FGD4: variants seen among roughly 807,000 people sequenced by gnomAD.
The protein encoded by FGD4 is FYVE, RhoGEF and PH domain containing 4, also known as FYVE, RhoGEF and PH domain-containing protein 4.
FGD4 carries 42 observed loss-of-function variants against 102.0 expected under a neutral mutation model. That is an observed-to-expected ratio of 0.41 (90% CI 0.32 to 0.53). The LOEUF (loss-of-function observed/expected upper bound fraction) is 0.53, where lower values mean the gene tolerates loss of function less well. Ranked by LOEUF, FGD4 falls within the 20% of genes least tolerant of loss-of-function variation. The pLI is 0.21. For missense variants in FGD4, 902 were observed against 1,078.2 expected (o/e 0.84, Z 2.29); for synonymous variants, 380 against 375.7 (o/e 1.01, Z -0.13).
At chr12:32,456,045 C>CA (rs1942940964) in intron 1 of FGD4, among the ~76,000 whole-genome samples, 2 of 152,140 alleles carry the variant, frequency 1.3e-5, no homozygotes, top group African/African-American at 4.8e-5. Flanking sequence ...TTGTGTAAAA[C>CA]CCTGCAAGCA....
At chr12:32,517,948 C>T (rs1021739171) in intron 1 of FGD4, among the ~76,000 whole-genome samples, 4 of 124,022 alleles carry the variant, frequency 3.2e-5, no homozygotes, top group African/African-American at 6.0e-5. Context: ...TCCCACCCAA[C>T]CCCCAATATC....
At chr12:32,551,230 TAGA>T (rs1943646455) in intron 1 of FGD4, among the ~76,000 whole-genome samples, 1 of 152,106 alleles carries the variant, frequency 6.6e-6, no homozygotes. Flanking sequence ...AGGGCAGACC[TAGA>T]AGGAGACAGC....
chr12:32,578,754 C>G (rs1363489727), intron 3 of FGD4, among the ~76,000 whole-genome samples: 1 of 151,814 alleles, frequency 6.6e-6, no homozygotes, highest in African/African-American at 2.4e-5. Flanking sequence ...TGCTTGAGCC[C>G]CAGGAGGTCA....
chr12:32,446,892 G>C (rs1942631506), intron 1 of FGD4, among the ~76,000 whole-genome samples: 1 of 152,184 alleles, frequency 6.6e-6, no homozygotes, highest in Non-Finnish European at 1.5e-5. Context: ...GTAGGATTTA[G>C]CAGTGGTGCA....
intron 11 of FGD4, 39 bp from the exon 12 acceptor site, chr12:32,624,383 A>C (rs1266013467): frequency 6.8e-7 from 1 of 1,462,740 alleles, no homozygotes; most frequent in Non-Finnish European, 9.5e-7. Context: ...GTGAATCATT[A>C]ATATTATTTA....
chr12:32,610,806 G>C lies in FGD4; in HGVS notation c.1574G>C (p.Ser525Thr). The C allele has an allele frequency of 1.2e-6, 2 of 1,613,582 alleles. No individual in the cohort carries two copies. Among genetic ancestry groups the C allele is most frequent in the Non-Finnish European group, 1.7e-6 (2 of 1,179,836 alleles). ...KSLEIISTAASHSNSAIRKME... is the reference protein window; with the variant it reads ...KSLEIISTAATHSNSAIRKME... ...CTTGAAATTATATCTACAGCAGCAAGCCATTCTAATAGTGCAATAAGGAAA... is the reference window on the plus strand; with the variant it reads ...CTTGAAATTATATCTACAGCAGCAACCCATTCTAATAGTGCAATAAGGAAA... The change falls in exon 9 of 17, where the codon AGC becomes ACC. Residue 525 changes from serine (S) to threonine (T), a missense_variant. Around this residue, in one of 2 missense-constraint regions of FGD4, gnomAD observed 459 missense variants for 619.0 expected, o/e 0.74. Coordinates refer to ENST00000534526, the MANE Select transcript of FGD4 (RefSeq NM_001370298.3).
chr12:32,536,139 G>A (rs562898319), intron 1 of FGD4, among the ~76,000 whole-genome samples: 14 of 151,752 alleles, frequency 9.2e-5, no homozygotes, highest in African/African-American at 3.4e-4. Context: ...ACGCTTTCAG[G>A]CAAACTCCTT....
rs12307888 is a variant in FGD4 at position 32,511,504 on chromosome 12, G to A, written c.167-52633G>A. Among the ~76,000 whole-genome samples the A allele has an allele frequency of 5.9e-4, 89 of 152,036 alleles. 1 individual carries two copies. The highest frequency in any genetic ancestry group is 1.5e-3 in the African/African-American group (62 of 41,476). On this transcript the variant is annotated intron_variant, in intron 1 of 16. Transcript: ENST00000534526. ...TTTTTAGTAGAGACGGGGTTTCACC[G>A]TGTTAGCCAGGATGGTCTTGATCTC...
chr12:32,610,938 G>GTAACTTA, intron 9 of FGD4, 104 bp downstream of exon 9: 1 of 1,339,040 alleles, frequency 7.5e-7, no homozygotes, highest in South Asian at 1.2e-5. Context: ...AAATAGATGA[G>GTAACTTA]CCAAAAAGAA....
In FGD4 at chr12:32,625,017, A is replaced by C; in HGVS notation, c.1995A>C (p.Glu665Asp). Residue 665 changes from glutamate (E) to aspartate (D), a missense_variant, in exon 13 of 17, where the codon GAA becomes GAC. Transcript: ENST00000534526. ...ETIDAFHQRH[E>D]TFRNAIAKDN... is the part of the protein sequence containing the mutation. ...TCGATGCTTTTCATCAAAGGCATGA[A>C]ACCTTCAGAAATGCAATTGCAAAGG... 6.2e-7 allele frequency: 1 copy of C among 1,613,506 alleles called. No individual in the cohort carries two copies. The highest frequency in any genetic ancestry group is 1.1e-5 in the South Asian group (1 of 91,072).
rs779138200 is a variant in FGD4 at position 32,598,478 on chromosome 12, A to G, written c.1012-19A>G. 3.2e-6 allele frequency: 5 copies of G among 1,558,652 alleles called. No individual in the cohort carries two copies. The highest frequency in any genetic ancestry group is 3.4e-5 in the Admixed American group (2 of 58,964). On this transcript the variant is annotated intron_variant, in intron 4 of 16. Transcript: ENST00000534526. ...CCAAGGTATCTTTCCTAATGTGTGA[A>G]TATCTTTCCAATTTTTAGGAGACTA...
chr12:32,508,033 C>A (rs2136657549), intron 1 of FGD4, among the ~76,000 whole-genome samples: 1 of 152,292 alleles, frequency 6.6e-6, no homozygotes, highest in South Asian at 2.1e-4. Flanking sequence ...AGGACATGCT[C>A]TGCACTCACA....
chr12:32,451,141 T>G (rs1210416099), intron 1 of FGD4, among the ~76,000 whole-genome samples: 1 of 152,264 alleles, frequency 6.6e-6, no homozygotes, highest in African/African-American at 2.4e-5. Context: ...TCCTTTAACC[T>G]TAAATTGCAT....
At chr12:32,610,730 G>C in intron 8 of FGD4, 46 bp from the exon 9 acceptor site, 1 of 1,557,556 alleles carries the variant, frequency 6.4e-7, no homozygotes, top group Non-Finnish European at 8.8e-7. Flanking sequence ...TAGAAGCACA[G>C]GAAGGACAAA....
At chr12:32,434,145 T>C (rs2136441838) in intron 1 of FGD4, among the ~76,000 whole-genome samples, 1 of 152,312 alleles carries the variant, frequency 6.6e-6, no homozygotes, top group South Asian at 2.1e-4. Context: ...TGAACCACTG[T>C]GCCCGGCCTG....
intron 1 of FGD4, among the ~76,000 whole-genome samples, chr12:32,405,793 A>T (rs570073915): frequency 1.3e-5 from 2 of 152,166 alleles, no homozygotes; most frequent in East Asian, 1.9e-4. Context: ...TTTTACAGGG[A>T]GATAACATAC....
At chr12:32,491,084 T>G (rs1382104432) in intron 1 of FGD4, among the ~76,000 whole-genome samples, 1 of 150,354 alleles carries the variant, frequency 6.7e-6, no homozygotes, top group African/African-American at 2.5e-5. Context: ...TGACTTTTGG[T>G]TTTGGCCAGT....
intron 1 of FGD4, among the ~76,000 whole-genome samples, chr12:32,403,657 T>G (rs1248239355): frequency 2.0e-5 from 3 of 149,758 alleles, no homozygotes; most frequent in African/African-American, 7.4e-5. Flanking sequence ...AGTGCAGTGG[T>G]GCAATCTTGG....
chr12:32,530,598 C>T (rs961582308), intron 1 of FGD4, among the ~76,000 whole-genome samples: 1 of 152,172 alleles, frequency 6.6e-6, no homozygotes, highest in African/African-American at 2.4e-5. Flanking sequence ...ATGATAGCCA[C>T]TAAGTCTTCA....
Sources: allele counts gnomAD v4.1 joint callset (sites outside exome capture counted in the v4.1 genomes callset), GRCh38; gene constraint gnomAD v4.1.1; regional missense constraint gnomAD v4.1.1; transcripts MANE v1.5; gene names NCBI Gene and HGNC (gene_info 2026-07-23, HGNC 2026-07-21).